HS2ST1: variants seen among roughly 807,000 people sequenced by gnomAD.
HS2ST1 encodes the protein 2-O-sulfotransferase.
In HS2ST1, 18 loss-of-function variants were observed where a neutral mutation model predicts 42.9. The observed-to-expected ratio is 0.42, with a 90% CI of 0.29 to 0.62. HS2ST1 has a LOEUF of 0.62. Among genes scored for constraint, HS2ST1 ranks in the 20% least tolerant of loss-of-function variants. The pLI is 0.21. For synonymous variants in HS2ST1, 146 were observed against 152.9 expected (o/e 0.95, Z 0.33); for missense variants, 334 against 433.8 (o/e 0.77, Z 2.04).
chr1:87,070,682 G>A (rs1046496631), intron 1 of HS2ST1, among the ~76,000 whole-genome samples: 3 of 152,106 alleles, frequency 2.0e-5, no homozygotes, highest in South Asian at 4.1e-4. Context: ...GATGCTTATC[G>A]TATGTTACCT....
chr1:86,943,485 GT>G (rs1647226638), intron 1 of HS2ST1, among the ~76,000 whole-genome samples: 1 of 152,104 alleles, frequency 6.6e-6, no homozygotes, highest in Non-Finnish European at 1.5e-5. Flanking sequence ...GGAGGCTGAG[GT>G]TGAGGCTGGT....
chr1:86,973,458 A>G (rs930042590), intron 1 of HS2ST1, among the ~76,000 whole-genome samples: 1 of 152,134 alleles, frequency 6.6e-6, no homozygotes, highest in African/African-American at 2.4e-5. Context: ...TCAAACCCTA[A>G]ATTCTAATCT....
At chr1:87,047,546 T>C (rs981188125) in intron 1 of HS2ST1, among the ~76,000 whole-genome samples, 2 of 152,160 alleles carry the variant, frequency 1.3e-5, no homozygotes, top group African/African-American at 2.4e-5. Context: ...TTAGCTCTTA[T>C]ATTTAGGTCT....
chr1:87,018,132 C>CCACACACACACACACACACACACACACA (rs56401098), intron 1 of HS2ST1, among the ~76,000 whole-genome samples: 98 of 149,348 alleles, frequency 6.6e-4, no homozygotes, highest in South Asian at 2.8e-3. Flanking sequence ...TAAATAAAAG[C>CCACACACACACACACACACACACACACA]CACACACACA....
At chr1:87,045,881 A>T in intron 1 of HS2ST1, 1 of 700,982 alleles carries the variant, frequency 1.4e-6, no homozygotes. Flanking sequence ...CAGTGCTGTG[A>T]GCTCCTTAAG....
At chr1:86,929,488 T>C (rs1364735403) in intron 1 of HS2ST1, among the ~76,000 whole-genome samples, 1 of 151,888 alleles carries the variant, frequency 6.6e-6, no homozygotes, top group Non-Finnish European at 1.5e-5. Flanking sequence ...TGTTTTCATA[T>C]AAATTCTAGA....
intron 1 of HS2ST1, among the ~76,000 whole-genome samples, chr1:86,976,709 T>C (rs1164215792): frequency 7.5e-6 from 1 of 132,704 alleles, no homozygotes; most frequent in African/African-American, 2.6e-5. Flanking sequence ...AAATTGTATA[T>C]ATATATATAT....
intron 1 of HS2ST1, among the ~76,000 whole-genome samples, chr1:87,012,122 C>A (rs1408817605): frequency 6.6e-6 from 1 of 151,816 alleles, no homozygotes; most frequent in African/African-American, 2.4e-5. Context: ...CTTTTTTTTC[C>A]TTCATTTTAC....
rs945587791 is a variant in HS2ST1 at position 87,104,902 on chromosome 1, G to C, written c.*206G>C. The C allele has an allele frequency of 2.0e-6, 1 of 492,852 alleles. No homozygotes were observed. Among genetic ancestry groups the C allele is most frequent in the African/African-American group, 1.9e-5 (1 of 51,390 alleles). The allele number at this position is 492,852 out of a possible 1,614,324, so 30.5% of individuals were successfully genotyped here. On this transcript the variant is annotated 3_prime_UTR_variant, in exon 7 of 7. Coordinates refer to ENST00000370550, the MANE Select transcript of HS2ST1 (RefSeq NM_012262.4). ...GTTTCAGGCATTTTTATTTTTCCTG[G>C]CTAAACGTTGGTGAAAGTTATAACC...
rs1660106790 is a variant in HS2ST1 at position 86,914,929 on chromosome 1, CTCTT to C, written c.-106_-103del. 2.1e-6 allele frequency: 3 copies of C among 1,419,898 alleles called. No individual in the cohort carries two copies. The highest frequency in any genetic ancestry group is 1.8e-5 in the Admixed American group (1 of 55,910). 88.0% of individuals were successfully genotyped at this position (1,419,898 alleles called of 1,614,324 possible). A position where few individuals can be genotyped will look rare whatever the true frequency, so the allele number is the denominator to read the frequency against. ...GCGGTGGTTCTCTCGCTGTCGCTCT[CTCTT>C]TGCCTCGCTCCCGGCTCGGCGGGCT... On this transcript the variant is annotated 5_prime_UTR_variant, in exon 1 of 7. Coordinates refer to ENST00000370550, the MANE Select transcript of HS2ST1 (RefSeq NM_012262.4).
chr1:87,072,951 C>T lies in HS2ST1; in HGVS notation c.142C>T (p.His48Tyr). Residue 48 changes from histidine (H) to tyrosine (Y), a missense_variant, in exon 2 of 7, where the codon CAC (histidine) becomes TAC (tyrosine). By Grantham distance (83) the His-to-Tyr change is moderately conservative. Coordinates refer to ENST00000370550, the MANE Select transcript of HS2ST1 (RefSeq NM_012262.4). ...RSKLERAIAR[H>Y]EVREIEQRHT... ...CTTTCCAGAAAGGGCTATTGCAAGACACGAAGTCCGAGAAATTGAGCAGCG... is the reference window on the plus strand; with the variant it reads ...CTTTCCAGAAAGGGCTATTGCAAGATACGAAGTCCGAGAAATTGAGCAGCG... The T allele has an allele frequency of 6.2e-7, 1 of 1,613,762 alleles. No homozygotes were observed. Among genetic ancestry groups the T allele is most frequent in the Non-Finnish European group, 8.5e-7 (1 of 1,179,752 alleles).
chr1:87,060,450 C>T lies in HS2ST1; in HGVS notation c.125-12484C>T, dbSNP rs562638960. On this transcript the variant is annotated intron_variant, in intron 1 of 6. Transcript: ENST00000370550. Reference sequence around the variant, plus strand: ...ATCAGTATAATGTGGAACATGAGCTCTAGAGTCACATTGACCTGTAATGGT... The same window carrying T: ...ATCAGTATAATGTGGAACATGAGCTTTAGAGTCACATTGACCTGTAATGGT... 1.2e-3 allele frequency among the ~76,000 whole-genome samples: 182 copies of T among 152,224 alleles called. 1 individual carries two copies. Among genetic ancestry groups the T allele is most frequent in the African/African-American group, 4.1e-3 (171 of 41,540 alleles).
intron 3 of HS2ST1, among the ~76,000 whole-genome samples, chr1:87,084,846 C>A (rs1280478856): frequency 1.4e-5 from 2 of 145,130 alleles, no homozygotes; most frequent in East Asian, 3.9e-4. Flanking sequence ...GTCACTCACT[C>A]ACTCACTCAC....
At chr1:86,944,694 G>A (rs1174857713) in intron 1 of HS2ST1, among the ~76,000 whole-genome samples, 1 of 152,038 alleles carries the variant, frequency 6.6e-6, no homozygotes, top group Admixed American at 6.6e-5. Context: ...TGCTATTTAG[G>A]AAATTTTATT....
chr1:86,985,324 C>T (rs1648725851), intron 1 of HS2ST1, among the ~76,000 whole-genome samples: 1 of 140,852 alleles, frequency 7.1e-6, no homozygotes, highest in Non-Finnish European at 1.5e-5. Context: ...CACTGCACTC[C>T]AGCCTGGGAG....
chr1:87,081,050 A>G (rs1035882903), intron 2 of HS2ST1, among the ~76,000 whole-genome samples: 1 of 152,252 alleles, frequency 6.6e-6, no homozygotes, highest in Non-Finnish European at 1.5e-5. Context: ...TGGAGCATCC[A>G]GATATATAAA....
intron 1 of HS2ST1, among the ~76,000 whole-genome samples, chr1:87,012,710 T>C (rs6576859): frequency 0.88 from 134,334 of 152,194 alleles, 59,866 homozygotes; most frequent in East Asian, 0.99. Flanking sequence ...ATGTCTCATC[T>C]GGGACAAGGC....
At chr1:87,093,584 C>G (rs1438818579) in intron 4 of HS2ST1, among the ~76,000 whole-genome samples, 4 of 151,992 alleles carry the variant, frequency 2.6e-5, no homozygotes. Context: ...TTTGGATTAC[C>G]AGTTTACCTA....
intron 3 of HS2ST1, among the ~76,000 whole-genome samples, chr1:87,091,469 A>G (rs1328813514): frequency 6.6e-6 from 1 of 151,976 alleles, no homozygotes; most frequent in Non-Finnish European, 1.5e-5. Context: ...ATAAATCAGT[A>G]GAGTTATTTC....
Sources: allele counts gnomAD v4.1 joint callset (sites outside exome capture counted in the v4.1 genomes callset), GRCh38; gene constraint gnomAD v4.1.1; transcripts MANE v1.5; gene names NCBI Gene and HGNC (gene_info 2026-07-23, HGNC 2026-07-21).